The following RERE variants were observed in gnomAD, a reference collection of about 807,000 sequenced individuals.
RERE encodes arginine-glutamic acid dipeptide repeats protein.
A neutral mutation model predicts 146.1 loss-of-function variants in RERE; 40 were observed. The ratio of observed to expected loss-of-function variants is 0.27; its 90% CI spans 0.21 to 0.36. The LOEUF is 0.36. Ranked by LOEUF, RERE falls within the 10% of genes least tolerant of loss-of-function variation. RERE has a pLI of 1.00. For synonymous variants in RERE, 1,003 were observed against 866.0 expected (o/e 1.16, Z -2.78); for missense variants, 1,933 against 2,138.7 (o/e 0.90, Z 1.90).
At chr1:8,417,447 C>T (rs959692855) in intron 12 of RERE, among the ~76,000 whole-genome samples, 1 of 152,106 alleles carries the variant, frequency 6.6e-6, no homozygotes, top group African/African-American at 2.4e-5. Context: ...ATCTCTAATA[C>T]CTTTCATCCC....
intron 4 of RERE, among the ~76,000 whole-genome samples, chr1:8,601,736 A>AAC (rs3082091): frequency 0.031 from 4,339 of 140,780 alleles, 67 homozygotes; most frequent in Admixed American, 0.038. Context: ...GTCCAAGGTC[A>AAC]ACACACACAC....
At chr1:8,611,359 C>G (rs1646790746) in intron 4 of RERE, among the ~76,000 whole-genome samples, 1 of 151,734 alleles carries the variant, frequency 6.6e-6, no homozygotes, top group South Asian at 2.1e-4. Flanking sequence ...CAACAACTAG[C>G]CAGGTGTGGT....
At position 8,759,238 on chromosome 1, in the gene RERE, C is replaced by T. The variant is rs1055615178; in HGVS notation, c.-145+57922G>A. Among the ~76,000 whole-genome samples the T allele has an allele frequency of 2.0e-5, 3 of 152,230 alleles. No individual in the cohort carries two copies. In the East Asian group the frequency reaches 5.8e-4, roughly 29 times the overall value. ...CCTACTTTACTGTCAACTATTACCT[C>T]TTCTGACACATTAACTGTAGAATCC... On this transcript the variant is annotated intron_variant, in intron 1 of 22. Coordinates refer to ENST00000400908, the MANE Select transcript of RERE (RefSeq NM_001042681.2).
intron 3 of RERE, 22 bp from the exon 4 acceptor site, chr1:8,614,708 A>T (rs1364659058): frequency 5.0e-6 from 8 of 1,599,542 alleles, no homozygotes; most frequent in Non-Finnish European, 6.8e-6. Flanking sequence ...AACAGTTTTA[A>T]GTTAACGTGC....
intron 7 of RERE, among the ~76,000 whole-genome samples, chr1:8,516,517 G>A (rs979314588): frequency 2.6e-5 from 4 of 152,126 alleles, no homozygotes; most frequent in African/African-American, 9.7e-5. Context: ...AGGCGACCCT[G>A]TAAGATAGGT....
rs368136783 is a variant in RERE, at chr1:8,795,648, G to A, written c.-145+21512C>T. On this transcript the variant is annotated intron_variant, in intron 1 of 22. Coordinates refer to ENST00000400908, the MANE Select transcript of RERE (RefSeq NM_001042681.2). ...ATGGCTTATTTTTCTTATGCACAGA[G>A]GCTATCACAGTTCAGGACATTTTAG... is the stretch of plus-strand genomic sequence containing the variant. Among the ~76,000 whole-genome samples the A allele has an allele frequency of 1.4e-3, 206 of 152,184 alleles. 5 individuals are homozygous for A. In the South Asian group the frequency reaches 0.042, roughly 31 times the overall value.
At chr1:8,469,632 A>G (rs551096893) in intron 10 of RERE, among the ~76,000 whole-genome samples, 3 of 152,328 alleles carry the variant, frequency 2.0e-5, no homozygotes, top group East Asian at 3.9e-4. Context: ...CAAAAAAATA[A>G]TAATAGTAAT....
At chr1:8,685,156 C>G (rs1639056675) in intron 1 of RERE, among the ~76,000 whole-genome samples, 1 of 152,122 alleles carries the variant, frequency 6.6e-6, no homozygotes, top group Non-Finnish European at 1.5e-5. Flanking sequence ...CCACACCCAG[C>G]CCAAATTTGG....
In RERE at chr1:8,451,470, C is replaced by T. The variant is rs1316887396; in HGVS notation, c.1203+14455G>A. On this transcript the variant is annotated intron_variant, in intron 11 of 22. Coordinates refer to ENST00000400908, the MANE Select transcript of RERE (RefSeq NM_001042681.2). ...AAAAATACTCCTTGCCTCAACATCC[C>T]GACCTCCCACCAATTTTCTAGCCCA... is the stretch of plus-strand genomic sequence containing the variant. 3.3e-5 allele frequency among the ~76,000 whole-genome samples: 5 copies of T among 152,030 alleles called. No homozygotes were observed. In the South Asian group the frequency reaches 6.2e-4, roughly 19 times the overall value.
chr1:8,568,811 C>T (rs1646183197), intron 4 of RERE, among the ~76,000 whole-genome samples: 2 of 152,132 alleles, frequency 1.3e-5, no homozygotes, highest in Admixed American at 1.3e-4. Flanking sequence ...TTATTATTCC[C>T]TTAATAAATC....
intron 12 of RERE, among the ~76,000 whole-genome samples, chr1:8,382,653 G>C (rs767234388): frequency 9.9e-5 from 15 of 151,956 alleles, no homozygotes; most frequent in Non-Finnish European, 2.2e-4. Context: ...TGGATGCCCG[G>C]CTTCTGAGGC....
At chr1:8,506,807 T>G (rs114879706) in intron 8 of RERE, among the ~76,000 whole-genome samples, 3,498 of 152,330 alleles carry the variant, frequency 0.023, 68 homozygotes, top group Non-Finnish European at 0.038. Flanking sequence ...ATTTCATTCA[T>G]TGTAAGATCC....
At chr1:8,478,972 C>T (rs1300040387) in intron 10 of RERE, among the ~76,000 whole-genome samples, 3 of 152,182 alleles carry the variant, frequency 2.0e-5, no homozygotes, top group South Asian at 2.1e-4. Flanking sequence ...TTATTCTTTG[C>T]ATAAGGAAGC....
Position 8,405,445 on chromosome 1 carries a change from T to C in RERE, c.1284+17282A>G, listed in dbSNP as rs1321061305. Among the ~76,000 whole-genome samples, 6 of 152,194 alleles carry C rather than the reference T, an allele frequency of 3.9e-5. No homozygotes were observed. In the South Asian group the frequency reaches 6.2e-4, roughly 16 times the overall value. ...CAACCATCAAAAATGACTCCATAGATACATGCGTTAAGCAAAAGATCAATA... is the reference window on the plus strand; with the variant it reads ...CAACCATCAAAAATGACTCCATAGACACATGCGTTAAGCAAAAGATCAATA... On this transcript the variant is annotated intron_variant, in intron 12 of 22. Transcript: ENST00000400908.
At position 8,364,229 on chromosome 1, in the gene RERE, G is replaced by A; in HGVS notation, c.1567C>T (p.Arg523Trp). The change falls in exon 15 of 23, where the codon CGG becomes TGG. Residue 523 changes from arginine (R) to tryptophan (W), a missense_variant. This residue lies in a region of RERE where 260 missense variants were observed against 378.4 expected (regional missense o/e 0.69). Transcript: ENST00000400908. The surrounding 1 kb of genome is among the most constrained non-coding windows in gnomAD (Gnocchi z 5.1). ...TTSKDWHHGG[R>W]ENILLCTDCR... ...TCGGTGCAAAGCAGGATGTTCTCCCGGCCTCCGTGGTGCCAATCTTTGGAG... is the reference window on the plus strand; with the variant it reads ...TCGGTGCAAAGCAGGATGTTCTCCCAGCCTCCGTGGTGCCAATCTTTGGAG... 9 of 1,614,120 alleles carry A rather than the reference G, an allele frequency of 5.6e-6. No individual in the cohort carries two copies. The highest frequency in any genetic ancestry group is 2.2e-5 in the East Asian group (1 of 44,872).
At chr1:8,807,460 A>G (rs1445934782) in intron 1 of RERE, among the ~76,000 whole-genome samples, 1 of 152,178 alleles carries the variant, frequency 6.6e-6, no homozygotes, top group Non-Finnish European at 1.5e-5. Context: ...CAGATAGCCA[A>G]ATATTTTTAG....
chr1:8,465,665 G>T (rs1371829971), intron 11 of RERE: 2 of 557,622 alleles, frequency 3.6e-6, no homozygotes, highest in Non-Finnish European at 6.7e-6. Flanking sequence ...CTTTTTTTAG[G>T]AGTAACTATC....
At chr1:8,514,101 G>C (rs1645378591) in intron 7 of RERE, among the ~76,000 whole-genome samples, 1 of 152,182 alleles carries the variant, frequency 6.6e-6, no homozygotes, top group South Asian at 2.1e-4. Context: ...GAAGCTGTCA[G>C]GCTCAGAGTG....
intron 1 of RERE, among the ~76,000 whole-genome samples, chr1:8,788,047 A>G (rs1569798295): frequency 6.6e-6 from 1 of 152,132 alleles, no homozygotes; most frequent in East Asian, 1.9e-4. Context: ...GCAGTTAGCC[A>G]TGATGGTGCC....
Sources: gnomAD v4.1 joint callset for allele counts (sites outside exome capture counted in the v4.1 genomes callset) on GRCh38, gnomAD v4.1.1 for gene constraint, gnomAD v4.1.1 regional missense constraint, Gnocchi (gnomAD v3.1) non-coding constraint, MANE v1.5 for transcripts, NCBI Gene and HGNC (gene_info 2026-07-23, HGNC 2026-07-21) for gene names.